HOGA1: variants seen among roughly 807,000 people sequenced by gnomAD.
HOGA1 encodes 4-hydroxy-2-oxoglutarate aldolase 1.
HOGA1 carries 30 observed loss-of-function variants against 34.3 expected under a neutral mutation model. That is an observed-to-expected ratio of 0.87 (90% confidence interval 0.65 to 1.19). The LOEUF is 1.19. Among genes scored for constraint, HOGA1 ranks in the 50% most tolerant of loss-of-function variants. HOGA1 has a pLI of 0.00. For synonymous variants in HOGA1, 161 were observed against 174.0 expected (o/e 0.93, Z 0.59); for missense variants, 417 against 436.5 (o/e 0.96, Z 0.40).
Position 97,603,753 on chromosome 10 carries a change from G to A in HOGA1, c.834+1763G>A, listed in dbSNP as rs1405767849. ...AATTTTTGTGCTTTTAGTGAAGACG[G>A]GTTTCACCATGTTGGCCAGGCTGGC... On this transcript the variant is annotated intron_variant, in intron 6 of 6. Transcript: ENST00000370646. This position sits in a 1 kb window ranked among gnomAD's most constrained non-coding sequence, Gnocchi z 4.5. Among the ~76,000 whole-genome samples, 1 of 151,760 alleles carries A rather than the reference G, an allele frequency of 6.6e-6. No homozygotes were observed.
intron 1 of HOGA1, among the ~76,000 whole-genome samples, chr10:97,586,267 T>A (rs898469413): frequency 6.6e-6 from 1 of 152,278 alleles, no homozygotes; most frequent in East Asian, 1.9e-4. Flanking sequence ...TCTGAGAGAA[T>A]GCAAGTGAAA....
chr10:97,601,529 G>A (rs1410498516), intron 5 of HOGA1, among the ~76,000 whole-genome samples: 1 of 152,214 alleles, frequency 6.6e-6, no homozygotes, highest in African/African-American at 2.4e-5. Context: ...GAGGAAGCTG[G>A]AGGTGTCAAC....
Position 97,584,795 on chromosome 10 carries a change from A to G in HOGA1, c.92A>G (p.Lys31Arg). Residue 31 changes from lysine (K) to arginine (R), a missense_variant, in exon 1 of 7, where the codon AAG (lysine) becomes AGG (arginine). Lys to Arg is a conservative substitution (Grantham distance 26, BLOSUM62 2). Transcript: ENST00000370646. ...NVGVWASGEG[K>R]KVDIAGIYPP... ...GGGGTCTGGGCCTCAGGGGAGGGGA[A>G]GAAGGTGGACATTGCGGGTATCTAC... 1 of 1,613,950 alleles carries G rather than the reference A, an allele frequency of 6.2e-7. No individual in the cohort carries two copies. Among genetic ancestry groups the G allele is most frequent in the Non-Finnish European group, 8.5e-7 (1 of 1,179,942 alleles).
Position 97,601,989 on chromosome 10 carries a change from C to T in HOGA1, c.833C>T (p.Ala278Val), listed in dbSNP as rs1182162593. 17 of 1,611,146 alleles carry T rather than the reference C, an allele frequency of 1.1e-5. No homozygotes were observed. Among genetic ancestry groups the T allele is most frequent in the African/African-American group, 2.7e-5 (2 of 74,880 alleles). ...LQHRLIEPNAAVTRRFGIPGL... is the reference protein window; with the variant it reads ...LQHRLIEPNAVVTRRFGIPGL... ...CACCGCCTCATTGAGCCAAACGCTG[C>T]GGTGAGCCAGTGGCAGCGGGGGCGC... is the stretch of plus-strand genomic sequence containing the variant. The change falls in exon 6 of 7, where the codon GCG becomes GTG. Residue 278 changes from alanine (A) to valine (V), a missense_variant and splice_region_variant. Ala to Val is a moderately conservative substitution (Grantham distance 64). Coordinates refer to ENST00000370646, the MANE Select transcript of HOGA1 (RefSeq NM_138413.4).
At chr10:97,606,696 C>CT (rs946492399) in intron 6 of HOGA1, among the ~76,000 whole-genome samples, 3 of 152,134 alleles carry the variant, frequency 2.0e-5, no homozygotes, top group African/African-American at 7.2e-5. Context: ...CCACTTTGTT[C>CT]TTTTTTTATT....
chr10:97,611,628 G>A lies in HOGA1; in HGVS notation c.953G>A (p.Arg318His), dbSNP rs201347931. Residue 318 changes from arginine (R) to histidine (H), a missense_variant, in exon 7 of 7, where the codon CGC becomes CAC. By Grantham distance (29) the Arg-to-His change is conservative. Coordinates refer to ENST00000370646, the MANE Select transcript of HOGA1 (RefSeq NM_138413.4). ...ELSPAEEEAL[R>H]MDFTSNGWL The stretch of plus-strand genomic sequence containing the variant: ...AGCCCCGCTGAGGAGGAGGCACTGC[G>A]CATGGATTTCACCAGCAACGGCTGG... The A allele has an allele frequency of 9.9e-6, 16 of 1,613,940 alleles. No homozygotes were observed. Among genetic ancestry groups the A allele is most frequent in the East Asian group, 4.5e-5 (2 of 44,872 alleles).
Position 97,596,708 on chromosome 10 carries a change from C to CAA in HOGA1, c.212-2050_212-2049dup, listed in dbSNP as rs34186645. Among the ~76,000 whole-genome samples, 83 of 89,330 alleles carry CAA rather than the reference C, an allele frequency of 9.3e-4. 1 individual carries two copies. The highest frequency in any genetic ancestry group is 6.8e-3 in the Middle Eastern group (1 of 148). The allele number at this position is 89,330 out of a possible 152,430, so 58.6% of individuals were successfully genotyped here. On this transcript the variant is annotated intron_variant, in intron 1 of 6. Coordinates refer to ENST00000370646, the MANE Select transcript of HOGA1 (RefSeq NM_138413.4). Reference sequence around the variant, plus strand: ...AATGTTACCAATGCAAAATAACTACCAAAAAAAAAAAAAAAAAAGCAGCTA... The same window carrying CAA: ...AATGTTACCAATGCAAAATAACTACCAAAAAAAAAAAAAAAAAAAAGCAGCTA...
intron 6 of HOGA1, among the ~76,000 whole-genome samples, chr10:97,607,709 G>A (rs960523111): frequency 1.3e-4 from 20 of 151,994 alleles, no homozygotes; most frequent in African/African-American, 3.6e-4. Flanking sequence ...TTTATGTAAC[G>A]TCCAGAGCTT....
chr10:97,585,897 G>A (rs2040967065), intron 1 of HOGA1, among the ~76,000 whole-genome samples: 1 of 152,140 alleles, frequency 6.6e-6, no homozygotes, highest in African/African-American at 2.4e-5. Flanking sequence ...CCAACACTTT[G>A]GGAGGCCGAG....
chr10:97,610,872 C>T (rs1361572022), intron 6 of HOGA1, among the ~76,000 whole-genome samples: 3 of 152,146 alleles, frequency 2.0e-5, no homozygotes, highest in Non-Finnish European at 2.9e-5. Context: ...AGGGAAAAGC[C>T]TTTAGAGATC....
chr10:97,601,210 GCCTAGGGTT>G (rs1424710549), intron 5 of HOGA1, among the ~76,000 whole-genome samples: 1 of 152,050 alleles, frequency 6.6e-6, no homozygotes, highest in Non-Finnish European at 1.5e-5. Context: ...AGGCCACTGT[GCCTAGGGTT>G]CCACTCCTAT....
At chr10:97,593,279 C>A (rs975547769) in intron 1 of HOGA1, among the ~76,000 whole-genome samples, 2 of 152,008 alleles carry the variant, frequency 1.3e-5, no homozygotes, top group African/African-American at 2.4e-5. Context: ...AGTTTGAGAC[C>A]AGCCTGGCCA....
At position 97,584,810 on chromosome 10, in the gene HOGA1, C is replaced by T. The variant is rs201803986; in HGVS notation, c.107C>T (p.Ala36Val). The change falls in exon 1 of 7, where the codon GCG becomes GTG. Residue 36 changes from alanine to valine, a missense_variant. By Grantham distance (64) the Ala-to-Val change is moderately conservative (BLOSUM62 0). Transcript: ENST00000370646. ...GGGGAGGGGAAGAAGGTGGACATTG[C>T]GGGTATCTACCCCCCTGTGACCACC... Reference protein sequence around the residue: ...ASGEGKKVDIAGIYPPVTTPF... With the variant: ...ASGEGKKVDIVGIYPPVTTPF... 1.1e-4 allele frequency: 173 copies of T among 1,613,638 alleles called. No homozygotes were observed. Among genetic ancestry groups the T allele is most frequent in the African/African-American group, 1.6e-4 (12 of 74,916 alleles).
intron 4 of HOGA1, 123 bp downstream of exon 4, chr10:97,599,937 C>T (rs765762956): frequency 7.9e-6 from 12 of 1,522,770 alleles, no homozygotes; most frequent in South Asian, 1.1e-5. Context: ...TTCTCTCTGT[C>T]GTGCGGGCTC....
rs1298916707 is a variant in HOGA1 at position 97,601,904 on chromosome 10, G to T, written c.748G>T (p.Val250Leu). The change falls in exon 6 of 7, where the codon GTG (valine) becomes TTG (leucine). Residue 250 changes from valine (V) to leucine (L), a missense_variant. Coordinates refer to ENST00000370646, the MANE Select transcript of HOGA1 (RefSeq NM_138413.4). ...CCTGGCCAATGTCCTGGGGGCTCAGGTGTGCCAGCTGGAGCGACTGTGCTG... is the reference window on the plus strand; with the variant it reads ...CCTGGCCAATGTCCTGGGGGCTCAGTTGTGCCAGCTGGAGCGACTGTGCTG... ...CALANVLGAQ[V>L]CQLERLCCTG... is the part of the protein sequence containing the mutation. The T allele has an allele frequency of 1.2e-6, 2 of 1,612,798 alleles. No homozygotes were observed. The highest frequency in any genetic ancestry group is 1.7e-6 in the Non-Finnish European group (2 of 1,180,026).
chr10:97,593,781 G>A (rs1371709754), intron 1 of HOGA1, among the ~76,000 whole-genome samples: 3 of 152,094 alleles, frequency 2.0e-5, no homozygotes, highest in East Asian at 1.9e-4. Flanking sequence ...TTGTTGGCCC[G>A]CATTTGGAAG....
At position 97,584,523 on chromosome 10, in the gene HOGA1, G is replaced by T. The variant is rs948098688; in HGVS notation, c.-181G>T. The T allele has an allele frequency of 3.3e-6, 2 of 611,886 alleles. No individual in the cohort carries two copies. Among genetic ancestry groups the T allele is most frequent in the Non-Finnish European group, 5.8e-6 (2 of 346,132 alleles). 37.9% of individuals were successfully genotyped at this position (611,886 alleles called of 1,614,324 possible). A position where few individuals can be genotyped will look rare whatever the true frequency, so the allele number is the denominator to read the frequency against. On this transcript the variant is annotated 5_prime_UTR_variant, in exon 1 of 7. Transcript: ENST00000370646. Reference sequence around the variant, plus strand: ...CCCAGAAGGAACAGGGCCCCCTGGGGCCTATAGGCCTTGCCCCTGACCCTG... The same window carrying T: ...CCCAGAAGGAACAGGGCCCCCTGGGTCCTATAGGCCTTGCCCCTGACCCTG...
chr10:97,587,660 A>G (rs1347746871), intron 1 of HOGA1, among the ~76,000 whole-genome samples: 1 of 152,000 alleles, frequency 6.6e-6, no homozygotes, highest in African/African-American at 2.4e-5. Context: ...GGTGCCTGCC[A>G]CCACGCCTGG....
chr10:97,584,799 G>A lies in HOGA1; in HGVS notation c.96G>A (p.Lys32=), dbSNP rs2135711307. 2 of 1,614,026 alleles carry A rather than the reference G, an allele frequency of 1.2e-6. No individual in the cohort carries two copies. Among genetic ancestry groups the A allele is most frequent in the East Asian group, 2.2e-5 (1 of 44,880 alleles). ...TCTGGGCCTCAGGGGAGGGGAAGAA[G>A]GTGGACATTGCGGGTATCTACCCCC... ...VGVWASGEGK[K]VDIAGIYPPV... The change falls in exon 1 of 7, where the codon AAG becomes AAA. Residue 32 remains lysine (K), a synonymous_variant. Transcript: ENST00000370646.
Sources: allele counts gnomAD v4.1 joint callset (sites outside exome capture counted in the v4.1 genomes callset), GRCh38; gene constraint gnomAD v4.1.1; non-coding constraint Gnocchi (gnomAD v3.1); transcripts MANE v1.5; gene names NCBI Gene and HGNC (gene_info 2026-07-23, HGNC 2026-07-21).